RFC1: variants seen among roughly 807,000 people sequenced by gnomAD.
The protein encoded by RFC1 is replication factor C subunit 1.
A neutral mutation model predicts 137.4 loss-of-function variants in RFC1; 37 were observed. That is an observed-to-expected ratio of 0.27 (90% CI 0.21 to 0.35). The LOEUF (loss-of-function observed/expected upper bound fraction) is 0.35, where lower values mean the gene tolerates loss of function less well. Among genes scored for constraint, RFC1 ranks in the 10% least tolerant of loss-of-function variants. The pLI is 1.00. For missense variants in RFC1, 1,205 were observed against 1,358.5 expected, an observed-to-expected ratio of 0.89 and a Z score of 1.78; for synonymous variants, 429 against 455.7, an observed-to-expected ratio of 0.94 and a Z score of 0.75.
At chr4:39,303,220 T>C in intron 15 of RFC1, 69 bp from the exon 16 acceptor site, 1 of 1,007,820 alleles carries the variant, frequency 9.9e-7, no homozygotes, top group Non-Finnish European at 1.6e-6. Context: ...ACTGCTGCTC[T>C]GTAGAAAATT....
chr4:39,357,381 A>G (rs1190166487), intron 1 of RFC1, among the ~76,000 whole-genome samples: 1 of 152,224 alleles, frequency 6.6e-6, no homozygotes, highest in East Asian at 1.9e-4. Context: ...ACTCTATCAC[A>G]GAAGTTTCCA....
intron 22 of RFC1, 61 bp downstream of exon 22, chr4:39,295,553 C>T (rs1451255521): frequency 1.3e-5 from 19 of 1,408,984 alleles, no homozygotes; most frequent in Non-Finnish European, 1.8e-5. Flanking sequence ...ATGATCATTA[C>T]TGGATAAAGG....
At position 39,321,306 on chromosome 4, in the gene RFC1, T is replaced by C; in HGVS notation, c.789A>G (p.Lys263=). The change falls in exon 8 of 25, where the codon AAA becomes AAG. Residue 263 remains lysine (K), a synonymous_variant. Coordinates refer to ENST00000349703, the MANE Select transcript of RFC1 (RefSeq NM_002913.5). The part of the protein sequence containing the change: ...SVQANLSKAE[K]HKYPHKVKTA... ...TATTACCTTTATGAGGATATTTATG[T>C]TTTTCTGCTTTACTTAAATTGGCTT... 2.5e-6 allele frequency: 4 copies of C among 1,613,666 alleles called. No individual in the cohort carries two copies. In the South Asian group the frequency reaches 3.3e-5, roughly 13 times the overall value.
chr4:39,298,575 T>C (rs1474148886), intron 21 of RFC1, among the ~76,000 whole-genome samples: 1 of 152,142 alleles, frequency 6.6e-6, no homozygotes, highest in African/African-American at 2.4e-5. Context: ...ACTGCCTTTT[T>C]AGCAAGGAAG....
chr4:39,289,257 G>A (rs975870647), intron 24 of RFC1, among the ~76,000 whole-genome samples: 20 of 152,184 alleles, frequency 1.3e-4, no homozygotes, highest in African/African-American at 4.6e-4. Flanking sequence ...GAGAGGGAGA[G>A]AGGAAGACCA....
chr4:39,359,270 G>A (rs1394267971), intron 1 of RFC1, among the ~76,000 whole-genome samples: 1 of 152,098 alleles, frequency 6.6e-6, no homozygotes, highest in Non-Finnish European at 1.5e-5. Flanking sequence ...CTCACTCTGT[G>A]CCATGCAATG....
rs1295197614 is a variant in RFC1, at chr4:39,296,986, C to T, written c.2809-1227G>A. On this transcript the variant is annotated intron_variant, in intron 21 of 24. Transcript: ENST00000349703. The stretch of plus-strand genomic sequence containing the variant: ...GGTATCTCATTGTGGTTTTGATTTG[C>T]ATTTCTCTGATGGCCAGTGATGATT... 6.5e-3 allele frequency among the ~76,000 whole-genome samples: 988 copies of T among 151,190 alleles called. 14 individuals carry two copies. Among genetic ancestry groups the T allele is most frequent in the African/African-American group, 0.023 (932 of 41,018 alleles).
At chr4:39,345,686 A>T (rs1483389225) in intron 2 of RFC1, among the ~76,000 whole-genome samples, 3 of 152,018 alleles carry the variant, frequency 2.0e-5, no homozygotes, top group African/African-American at 7.2e-5. Context: ...ATGCCTGGCT[A>T]ATTTTTTGTA....
intron 10 of RFC1, among the ~76,000 whole-genome samples, chr4:39,316,299 T>C (rs1047252737): frequency 6.6e-6 from 1 of 152,272 alleles, no homozygotes; most frequent in Non-Finnish European, 1.5e-5. Flanking sequence ...CAAGATGTGA[T>C]CCTATTAACC....
intron 13 of RFC1, 94 bp downstream of exon 13, chr4:39,308,542 A>C: frequency 1.3e-6 from 2 of 1,483,726 alleles, no homozygotes; most frequent in Non-Finnish European, 1.8e-6. Flanking sequence ...TTGCTGACAG[A>C]TGAATGAATC....
chr4:39,326,074 C>T (rs1197482141), intron 6 of RFC1, among the ~76,000 whole-genome samples: 5 of 152,090 alleles, frequency 3.3e-5, no homozygotes, highest in African/African-American at 1.2e-4. Flanking sequence ...GTGGTGGGCG[C>T]CTGTAGTCTC....
chr4:39,322,274 AAC>A (rs1019029415), intron 7 of RFC1: 1 of 152,006 alleles, frequency 6.6e-6, no homozygotes, highest in Non-Finnish European at 1.5e-5. Flanking sequence ...TGGGTGTGGT[AAC>A]ACATGCCTGT....
At chr4:39,355,876 C>T (rs1213113717) in intron 1 of RFC1, 1 of 152,018 alleles carries the variant, frequency 6.6e-6, no homozygotes, top group Non-Finnish European at 1.5e-5. Flanking sequence ...GTGGCACACA[C>T]CTGTAGTCCC....
chr4:39,312,131 G>C (rs1353139897), intron 11 of RFC1, among the ~76,000 whole-genome samples: 1 of 152,162 alleles, frequency 6.6e-6, no homozygotes, highest in Non-Finnish European at 1.5e-5. Flanking sequence ...TGACATACTT[G>C]CCACTGTTCC....
intron 14 of RFC1, 47 bp downstream of exon 14, chr4:39,306,545 G>C: frequency 9.8e-7 from 1 of 1,018,784 alleles, no homozygotes; most frequent in Non-Finnish European, 1.6e-6. Flanking sequence ...TCCTAGCCAT[G>C]ACCACTCGAG....
At chr4:39,313,673 T>G (rs1197009997) in intron 10 of RFC1, among the ~76,000 whole-genome samples, 1 of 151,236 alleles carries the variant, frequency 6.6e-6, no homozygotes, top group Non-Finnish European at 1.5e-5. Context: ...ATAAAAAATT[T>G]TTACTGTTTT....
chr4:39,310,483 T>G (rs1358233827), intron 12 of RFC1, among the ~76,000 whole-genome samples: 2 of 152,302 alleles, frequency 1.3e-5, no homozygotes, highest in African/African-American at 4.8e-5. Flanking sequence ...ATCTTGCCAT[T>G]TGGGTGACAG....
At position 39,308,619 on chromosome 4, in the gene RFC1, T is replaced by C; in HGVS notation, c.1885+17A>G. The C allele has an allele frequency of 1.3e-6, 2 of 1,598,752 alleles. No individual in the cohort carries two copies. The highest frequency in any genetic ancestry group is 1.7e-6 in the Non-Finnish European group (2 of 1,170,670). On this transcript the variant is annotated intron_variant, in intron 13 of 24. Transcript: ENST00000349703. ...TGATATACACACACACAAAAATGAG[T>C]GAGGTTGTAAAATCACCGTGTTTTT...
At chr4:39,320,958 G>C (rs960377878) in intron 8 of RFC1, among the ~76,000 whole-genome samples, 6 of 152,162 alleles carry the variant, frequency 3.9e-5, no homozygotes, top group Admixed American at 2.0e-4. Flanking sequence ...AGTCAACTCT[G>C]AGACTACCTC....
Sources: gnomAD v4.1 joint callset for allele counts (sites outside exome capture counted in the v4.1 genomes callset) on GRCh38, gnomAD v4.1.1 for gene constraint, MANE v1.5 for transcripts, NCBI Gene and HGNC (gene_info 2026-07-23, HGNC 2026-07-21) for gene names.